Variants in LINGO2 observed in about 807,000 individuals in gnomAD.
LINGO2 encodes leucine-rich repeat and immunoglobulin-like domain-containing nogo receptor-interacting protein 2.
LINGO2 carries 14 observed loss-of-function variants against 30.6 expected under a neutral mutation model. That is an observed-to-expected ratio of 0.46 (90% CI 0.30 to 0.72). LINGO2 has a LOEUF of 0.72. LINGO2 is among the 30% of genes least tolerant of loss of function. The pLI, the probability that LINGO2 is intolerant of heterozygous loss-of-function variation, is 0.07. For synonymous variants in LINGO2, 317 were observed against 288.5 expected, an observed-to-expected ratio of 1.10 and a Z score of -1.00; for missense variants, 729 against 751.7, an observed-to-expected ratio of 0.97 and a Z score of 0.35.
rs1407498359 is a variant in LINGO2 at position 28,329,147 on chromosome 9, A to G, written c.-245-33781T>C. ...TTGCTCCAGTCACTTACTAAGACAG[A>G]CAGAAGGCTCCCAAATCTGAAACCA... is the stretch of plus-strand genomic sequence containing the variant. On this transcript the variant is annotated intron_variant, in intron 3 of 5. Transcript: ENST00000379992. The surrounding 1 kb of genome is among the most constrained non-coding windows in gnomAD (Gnocchi z 4.5). Among the ~76,000 whole-genome samples the G allele has an allele frequency of 1.3e-5, 2 of 152,116 alleles. No homozygotes were observed. The highest frequency in any genetic ancestry group is 2.9e-5 in the Non-Finnish European group (2 of 68,000).
chr9:28,865,028 C>A, the LINGO2 span, among the ~76,000 whole-genome samples: 2 of 151,996 alleles, frequency 1.3e-5, no homozygotes, highest in African/African-American at 4.8e-5. Context: ...TTACAGATGT[C>A]TTCTCTAAGG....
At chr9:29,016,358 C>G in the LINGO2 span, among the ~76,000 whole-genome samples, 1 of 152,150 alleles carries the variant, frequency 6.6e-6, no homozygotes, top group Non-Finnish European at 1.5e-5. Context: ...AACTATAACT[C>G]TCAATATGAG....
At chr9:28,734,085 T>A in the LINGO2 span, among the ~76,000 whole-genome samples, 1 of 152,070 alleles carries the variant, frequency 6.6e-6, no homozygotes, top group African/African-American at 2.4e-5. Flanking sequence ...TATATATATA[T>A]ACCTATAATA....
chr9:28,881,724 T>C, the LINGO2 span, among the ~76,000 whole-genome samples: 5 of 152,092 alleles, frequency 3.3e-5, no homozygotes, highest in East Asian at 3.9e-4. Flanking sequence ...TGGTGGTTTG[T>C]TGCACAGATC....
At chr9:28,109,213 A>C (rs1459596881) in intron 4 of LINGO2, among the ~76,000 whole-genome samples, 1 of 152,080 alleles carries the variant, frequency 6.6e-6, no homozygotes, top group East Asian at 1.9e-4. Flanking sequence ...TGTTAAAAAC[A>C]CTCAATAAAT....
At chr9:28,668,519 AT>A (rs1828889009) in intron 1 of LINGO2, among the ~76,000 whole-genome samples, 1 of 152,072 alleles carries the variant, frequency 6.6e-6, no homozygotes, top group Non-Finnish European at 1.5e-5. Flanking sequence ...AATTTCTTAG[AT>A]TAATAATGTG....
chr9:28,691,640 C>G, the LINGO2 span, among the ~76,000 whole-genome samples: 1 of 151,990 alleles, frequency 6.6e-6, no homozygotes, highest in Non-Finnish European at 1.5e-5. Flanking sequence ...AAAAGAATAT[C>G]CATCATAGTA....
the LINGO2 span, among the ~76,000 whole-genome samples, chr9:29,079,169 T>C: frequency 6.6e-6 from 1 of 151,934 alleles, no homozygotes; most frequent in Non-Finnish European, 1.5e-5. Context: ...ACGGTAGATG[T>C]GCTCTGTGGA....
Position 28,514,276 on chromosome 9 carries a change from G to C in LINGO2, c.-364-38251C>G, listed in dbSNP as rs550514172. 2.6e-5 allele frequency among the ~76,000 whole-genome samples: 4 copies of C among 152,206 alleles called. No individual in the cohort carries two copies. In the South Asian group the frequency reaches 8.3e-4, roughly 32 times the overall value. On this transcript the variant is annotated intron_variant, in intron 1 of 5. Coordinates refer to ENST00000379992, the Ensembl canonical transcript of LINGO2. ...CCTACAATGGCTTCTAAGTGTTCAA[G>C]TGAAAAGAAGAGTAGCCCATCTCTT... is the stretch of plus-strand genomic sequence containing the variant.
the LINGO2 span, among the ~76,000 whole-genome samples, chr9:29,184,995 T>C: frequency 6.6e-6 from 1 of 152,186 alleles, no homozygotes; most frequent in Admixed American, 6.5e-5. Flanking sequence ...TTCATTGTTG[T>C]TGTTGTTGTT....
chr9:28,512,603 A>G (rs1379191082), intron 1 of LINGO2, among the ~76,000 whole-genome samples: 1 of 2,456 alleles, frequency 4.1e-4, no homozygotes, highest in African/African-American at 6.3e-4. Context: ...GTATATATAT[A>G]TATATATATA....
chr9:28,991,717 T>A, the LINGO2 span, among the ~76,000 whole-genome samples: 1 of 151,156 alleles, frequency 6.6e-6, no homozygotes, highest in East Asian at 2.0e-4. Context: ...TATTCAACAT[T>A]CTTAAAGAAA....
the LINGO2 span, among the ~76,000 whole-genome samples, chr9:29,192,851 G>T: frequency 6.6e-6 from 1 of 152,156 alleles, no homozygotes; most frequent in Non-Finnish European, 1.5e-5. Flanking sequence ...AAGGATGTTG[G>T]CTGTGGGGAC....
the LINGO2 span, among the ~76,000 whole-genome samples, chr9:29,178,682 T>C: frequency 2.0e-5 from 3 of 152,122 alleles, no homozygotes; most frequent in African/African-American, 7.2e-5. Context: ...CCTCCTCTGA[T>C]GACAAGTGAA....
intron 3 of LINGO2, among the ~76,000 whole-genome samples, chr9:28,354,289 C>G (rs192219785): frequency 6.6e-6 from 1 of 152,152 alleles, no homozygotes; most frequent in East Asian, 1.9e-4. Context: ...TACTATGTTG[C>G]GGTTCATTAT....
chr9:28,332,138 T>C (rs377369769), intron 3 of LINGO2, among the ~76,000 whole-genome samples: 1 of 152,274 alleles, frequency 6.6e-6, no homozygotes, highest in East Asian at 1.9e-4. Flanking sequence ...ATTTTTTTAA[T>C]AGACTTTATT....
chr9:27,953,854 C>T (rs1355224059), intron 5 of LINGO2, among the ~76,000 whole-genome samples: 1 of 152,102 alleles, frequency 6.6e-6, no homozygotes, highest in Non-Finnish European at 1.5e-5. Flanking sequence ...GCTGTACTCA[C>T]ATTTGTATGA....
chr9:28,724,795 T>C, the LINGO2 span, among the ~76,000 whole-genome samples: 1 of 152,124 alleles, frequency 6.6e-6, no homozygotes, highest in Non-Finnish European at 1.5e-5. Context: ...AATTGGTTCA[T>C]AAGTTTGGGG....
At chr9:29,102,453 G>T in the LINGO2 span, among the ~76,000 whole-genome samples, 2 of 152,162 alleles carry the variant, frequency 1.3e-5, no homozygotes, top group African/African-American at 4.8e-5. Context: ...AATAATGGGA[G>T]CTGGCGTATA....
Sources: gnomAD v4.1 joint callset for allele counts (sites outside exome capture counted in the v4.1 genomes callset) on GRCh38, gnomAD v4.1.1 for gene constraint, Gnocchi (gnomAD v3.1) non-coding constraint, MANE v1.5 for transcripts, NCBI Gene and HGNC (gene_info 2026-07-23, HGNC 2026-07-21) for gene names.